The following TTC28 variants were observed in gnomAD, a reference collection of about 807,000 sequenced individuals.
The protein encoded by TTC28 is tetratricopeptide repeat protein 28.
In TTC28, 61 loss-of-function variants were observed where a neutral mutation model predicts 198.0. The ratio of observed to expected loss-of-function variants is 0.31; its 90% CI spans 0.25 to 0.38. TTC28 has a LOEUF of 0.38. Among genes scored for constraint, TTC28 ranks in the 10% least tolerant of loss-of-function variants. The pLI, the probability that TTC28 is intolerant of heterozygous loss-of-function variation, is 1.00. For synonymous variants in TTC28, 1,171 were observed against 1,297.8 expected, an observed-to-expected ratio of 0.90 and a Z score of 2.10; for missense variants, 2,678 against 3,164.0, an observed-to-expected ratio of 0.85 and a Z score of 3.69.
chr22:28,661,570 C>T (rs769718925), intron 1 of TTC28, among the ~76,000 whole-genome samples: 5 of 151,972 alleles, frequency 3.3e-5, no homozygotes, highest in Non-Finnish European at 7.4e-5. Context: ...CAGGTACATG[C>T]CACCATACCC....
At chr22:28,549,762 T>C (rs2049624418) in intron 2 of TTC28, among the ~76,000 whole-genome samples, 1 of 152,184 alleles carries the variant, frequency 6.6e-6, no homozygotes, top group Non-Finnish European at 1.5e-5. Flanking sequence ...GTTAAGACAT[T>C]TGCAAAACAA....
chr22:28,644,292 A>G (rs2051419132), intron 1 of TTC28, among the ~76,000 whole-genome samples: 2 of 151,332 alleles, frequency 1.3e-5, no homozygotes, highest in South Asian at 2.1e-4. Flanking sequence ...CCAGCTACTG[A>G]GGAGGCTGAG....
intron 14 of TTC28, among the ~76,000 whole-genome samples, chr22:28,010,126 T>G (rs1938090020): frequency 6.6e-6 from 1 of 152,144 alleles, no homozygotes; most frequent in South Asian, 2.1e-4. Context: ...CAGGGGCCCC[T>G]TCACATTCTC....
intron 2 of TTC28, among the ~76,000 whole-genome samples, chr22:28,583,764 A>G (rs540289982): frequency 5.9e-5 from 9 of 152,302 alleles, no homozygotes; most frequent in Non-Finnish European, 1.2e-4. Context: ...ATAAATCTGA[A>G]GACTGGAGAT....
intron 2 of TTC28, among the ~76,000 whole-genome samples, chr22:28,435,787 A>G (rs561245537): frequency 9.8e-5 from 15 of 152,354 alleles, no homozygotes; most frequent in Non-Finnish European, 1.9e-4. Context: ...TCCTGGAAGT[A>G]GTTTTCTATA....
chr22:28,137,076 G>C (rs1449875941), intron 6 of TTC28, among the ~76,000 whole-genome samples: 1 of 152,190 alleles, frequency 6.6e-6, no homozygotes, highest in Non-Finnish European at 1.5e-5. Context: ...GTTGCTGGCT[G>C]TTAGCCTCAA....
At position 28,275,865 on chromosome 22, in the gene TTC28, A is replaced by G. The variant is rs550040722; in HGVS notation, c.933+20333T>C. On this transcript the variant is annotated intron_variant, in intron 5 of 22. Transcript: ENST00000397906. ...TGGGCATGTGGGGTGGGAGCTGGTA[A>G]GTTTGGTTTCCAAAGGGTGGCTAGG... Among the ~76,000 whole-genome samples the G allele has an allele frequency of 1.3e-4, 20 of 152,250 alleles. No homozygotes were observed. In the South Asian group the frequency reaches 3.7e-3, roughly 28 times the overall value.
chr22:28,161,577 T>C lies in TTC28; in HGVS notation c.1441+1515A>G, dbSNP rs570707790. On this transcript the variant is annotated intron_variant, in intron 6 of 22. Coordinates refer to ENST00000397906, the MANE Select transcript of TTC28 (RefSeq NM_001145418.2). ...GCTGAGGTGGGAGGATCACTTTTGC[T>C]CAGGAGTTTGAGGCTGCAGTGAGCC... Among the ~76,000 whole-genome samples the C allele has an allele frequency of 1.0e-3, 156 of 151,738 alleles. 1 individual carries two copies. Among genetic ancestry groups the C allele is most frequent in the African/African-American group, 3.5e-3 (144 of 41,332 alleles).
At chr22:28,282,414 G>T (rs1050260889) in intron 5 of TTC28, among the ~76,000 whole-genome samples, 1 of 152,134 alleles carries the variant, frequency 6.6e-6, no homozygotes, top group African/African-American at 2.4e-5. Context: ...CTATCCAATA[G>T]AATTTTCTAA....
At chr22:28,109,012 T>C (rs1601325418) in intron 6 of TTC28, among the ~76,000 whole-genome samples, 1 of 152,334 alleles carries the variant, frequency 6.6e-6, no homozygotes, top group East Asian at 1.9e-4. Context: ...GGACATAAAC[T>C]GGAACAACCT....
At position 28,110,935 on chromosome 22, in the gene TTC28, T is replaced by TAA. The variant is rs796954055; in HGVS notation, c.1442-2534_1442-2533dup. On this transcript the variant is annotated intron_variant, in intron 6 of 22. Coordinates refer to ENST00000397906, the MANE Select transcript of TTC28 (RefSeq NM_001145418.2). ...GGGTGACAGAGTGAGACCCTGCCTT[T>TAA]AAAAAAAAAAAAAAAAAGTTAAGTT... Among the ~76,000 whole-genome samples the TAA allele has an allele frequency of 3.2e-3, 428 of 133,216 alleles. 3 individuals are homozygous for TAA. The highest frequency in any genetic ancestry group is 0.021 in the Admixed American group (280 of 13,158). The allele number at this position is 133,216 out of a possible 152,430, so 87.4% of individuals were successfully genotyped here.
Position 28,001,805 on chromosome 22 carries a change from G to A in TTC28, c.4219-252C>T. On this transcript the variant is annotated intron_variant, in intron 14 of 22. Coordinates refer to ENST00000397906, the MANE Select transcript of TTC28 (RefSeq NM_001145418.2). ...GCCTCACAGTCCTGAGAAGGTTAGA[G>A]GACAGTTTCTTGAAGTTCACAAGAA... 7.8e-6 allele frequency: 4 copies of A among 515,454 alleles called. No individual in the cohort carries two copies. In the South Asian group the frequency reaches 1.1e-4, roughly 14 times the overall value. 31.9% of individuals were successfully genotyped at this position (515,454 alleles called of 1,614,324 possible).
chr22:28,337,005 C>T (rs1422766437), intron 2 of TTC28, among the ~76,000 whole-genome samples: 1 of 152,156 alleles, frequency 6.6e-6, no homozygotes, highest in African/African-American at 2.4e-5. Flanking sequence ...CTACACACTG[C>T]TTTGAATGTG....
intron 12 of TTC28, among the ~76,000 whole-genome samples, chr22:28,062,114 T>A (rs961018476): frequency 6.6e-6 from 1 of 152,040 alleles, no homozygotes; most frequent in Non-Finnish European, 1.5e-5. Context: ...GTGGTGTGAT[T>A]TCAGCTCACT....
rs539223646 is a variant in TTC28 at position 28,251,407 on chromosome 22, T to C, written c.933+44791A>G. The stretch of plus-strand genomic sequence containing the variant: ...ATACTACAATGGCAAAGTTGGTTAG[T>C]TGTGTCCACTGGGCCTGAAAAACCT... On this transcript the variant is annotated intron_variant, in intron 5 of 22. Transcript: ENST00000397906. Among the ~76,000 whole-genome samples, 175 of 152,216 alleles carry C rather than the reference T, an allele frequency of 1.1e-3. 1 individual carries two copies. Among genetic ancestry groups the C allele is most frequent in the Non-Finnish European group, 2.2e-3 (153 of 68,032 alleles).
At chr22:28,515,061 G>A (rs2048758074) in intron 2 of TTC28, among the ~76,000 whole-genome samples, 1 of 152,126 alleles carries the variant, frequency 6.6e-6, no homozygotes, top group African/African-American at 2.4e-5. Flanking sequence ...TCTTTTTATA[G>A]AAGAGATTAC....
intron 1 of TTC28, among the ~76,000 whole-genome samples, chr22:28,639,288 T>C (rs765239085): frequency 2.0e-5 from 3 of 152,162 alleles, no homozygotes; most frequent in South Asian, 4.1e-4. Flanking sequence ...CTGATATAGA[T>C]AGAAAAAAAT....
At chr22:28,158,310 A>G (rs1297855054) in intron 6 of TTC28, among the ~76,000 whole-genome samples, 4 of 152,166 alleles carry the variant, frequency 2.6e-5, no homozygotes, top group Non-Finnish European at 4.4e-5. Flanking sequence ...GGAAGAATCA[A>G]TGTTTTTAAA....
chr22:28,514,914 C>A (rs2048753314), intron 2 of TTC28, among the ~76,000 whole-genome samples: 1 of 152,138 alleles, frequency 6.6e-6, no homozygotes, highest in Non-Finnish European at 1.5e-5. Flanking sequence ...CCTCCCTATC[C>A]CCTAATAAAT....
Sources: gnomAD v4.1 joint callset for allele counts (sites outside exome capture counted in the v4.1 genomes callset) on GRCh38, gnomAD v4.1.1 for gene constraint, MANE v1.5 for transcripts, NCBI Gene and HGNC (gene_info 2026-07-23, HGNC 2026-07-21) for gene names.